The following ZC3H12B variants were observed in gnomAD, a reference collection of about 807,000 sequenced individuals.
ZC3H12B encodes probable ribonuclease ZC3H12B.
Under a neutral mutation model 43.9 loss-of-function variants are expected in ZC3H12B, and 7 were observed. The observed-to-expected ratio is 0.16, with a 90% CI of 0.09 to 0.30. The LOEUF is 0.30. ZC3H12B is among the 10% of genes least tolerant of loss of function. The probability of loss-of-function intolerance (pLI) is 1.00; values close to 1 mark genes in which losing one functional copy is unlikely to be tolerated. For missense variants in ZC3H12B, 475 were observed against 670.2 expected, an observed-to-expected ratio of 0.71 and a Z score of 3.22; for synonymous variants, 222 against 241.7, an observed-to-expected ratio of 0.92 and a Z score of 0.76.
the ZC3H12B span, among the ~76,000 whole-genome samples, chrX:65,056,929 C>T: frequency 2.1e-3 from 230 of 110,826 alleles, 1 homozygote; most frequent in African/African-American, 7.1e-3. Context: ...TTTTGTTTTC[C>T]ATTTGCTTAG....
At chrX:65,100,628 A>C in the ZC3H12B span, among the ~76,000 whole-genome samples, 2 of 107,325 alleles carry the variant, frequency 1.9e-5, no homozygotes, top group Admixed American at 1.0e-4. Flanking sequence ...GATAAAACAG[A>C]CTAAACCACA....
chrX:65,189,038 T>C, the ZC3H12B span, among the ~76,000 whole-genome samples: 1 of 98,158 alleles, frequency 1.0e-5, no homozygotes, highest in Admixed American at 1.2e-4. Context: ...TGAGTGAGAA[T>C]ATGCGGTGTT....
At chrX:65,114,224 C>A in the ZC3H12B span, among the ~76,000 whole-genome samples, 1 of 106,658 alleles carries the variant, frequency 9.4e-6, no homozygotes, top group Non-Finnish European at 1.9e-5. Flanking sequence ...TTTTCTTGTA[C>A]TGTTTTTTTG....
intron 2 of ZC3H12B, among the ~76,000 whole-genome samples, chrX:65,372,657 G>A (rs2066264302): frequency 9.0e-6 from 1 of 110,985 alleles, no homozygotes; most frequent in East Asian, 2.8e-4. Context: ...AGGAAGGAAA[G>A]GAAGGAAGGA....
At chrX:65,409,657 C>A (rs1374460760) in intron 3 of ZC3H12B, among the ~76,000 whole-genome samples, 4 of 108,037 alleles carry the variant, frequency 3.7e-5, no homozygotes, top group Non-Finnish European at 5.8e-5. Context: ...CAAAAAAAAT[C>A]AATTGCATTT....
chrX:65,187,179 C>T, the ZC3H12B span: 2 of 111,886 alleles, frequency 1.8e-5, no homozygotes, highest in Admixed American at 1.9e-4. Flanking sequence ...CTTCTATGCA[C>T]TATTGTATCA....
chrX:65,157,992 A>T, the ZC3H12B span, among the ~76,000 whole-genome samples: 1 of 92,669 alleles, frequency 1.1e-5, no homozygotes, highest in African/African-American at 3.9e-5. Flanking sequence ...CTCATTGTTC[A>T]ATTCCCACCT....
the ZC3H12B span, among the ~76,000 whole-genome samples, chrX:65,225,720 T>C: frequency 9.6e-3 from 1,067 of 111,598 alleles, 20 homozygotes; most frequent in African/African-American, 0.033. Flanking sequence ...GAGAACTACA[T>C]GAAGAATGCA....
chrX:65,169,465 A>G, the ZC3H12B span, among the ~76,000 whole-genome samples: 7 of 111,878 alleles, frequency 6.3e-5, no homozygotes, highest in Admixed American at 5.7e-4. Context: ...TATATGGTCA[A>G]TTTTGGAATA....
the ZC3H12B span, among the ~76,000 whole-genome samples, chrX:65,335,792 A>C: frequency 8.9e-6 from 1 of 111,833 alleles, no homozygotes. Context: ...GATAGTTTTT[A>C]GGGCTAATTA....
chrX:65,427,294 T>C (rs1440447392), intron 3 of ZC3H12B, among the ~76,000 whole-genome samples: 2 of 111,565 alleles, frequency 1.8e-5, no homozygotes, highest in East Asian at 2.8e-4. Flanking sequence ...GTTTTTTTTC[T>C]GTTTTCCATT....
upstream of ZC3H12B, among the ~76,000 whole-genome samples, chrX:65,488,408 C>T (rs970503596): frequency 2.5e-5 from 2 of 79,774 alleles, no homozygotes; most frequent in African/African-American, 5.7e-5. Context: ...GGTAGGGGGG[C>T]GACAGGAGCG....
intron 3 of ZC3H12B, among the ~76,000 whole-genome samples, chrX:65,473,025 T>TATATATATA (rs2067947786): frequency 1.0e-5 from 1 of 98,483 alleles, no homozygotes; most frequent in African/African-American, 3.7e-5. Flanking sequence ...TATCTGTTTG[T>TATATATATA]TTTTTGAGAC....
the ZC3H12B span, among the ~76,000 whole-genome samples, chrX:65,175,659 T>A: frequency 9.0e-6 from 1 of 111,666 alleles, no homozygotes; most frequent in Non-Finnish European, 1.9e-5. Context: ...GGGTGATTTT[T>A]CCATTTCGAA....
chrX:65,427,977 G>A (rs73213338), intron 3 of ZC3H12B, among the ~76,000 whole-genome samples: 13,028 of 111,111 alleles, frequency 0.12, 815 homozygotes, highest in Non-Finnish European at 0.18. Flanking sequence ...ATTTCCCTCA[G>A]CATTCTTTGT....
chrX:65,135,731 T>G, the ZC3H12B span, among the ~76,000 whole-genome samples: 2 of 106,572 alleles, frequency 1.9e-5, no homozygotes, highest in African/African-American at 6.9e-5. Flanking sequence ...ATGTCTCTGA[T>G]GCTCTATTTG....
chrX:65,313,566 C>A, the ZC3H12B span, among the ~76,000 whole-genome samples: 4 of 112,177 alleles, frequency 3.6e-5, no homozygotes, highest in African/African-American at 6.5e-5. Context: ...TTCGCACTTA[C>A]AAAGGGCAGG....
At chrX:65,296,245 G>A in the ZC3H12B span, among the ~76,000 whole-genome samples, 12 of 111,603 alleles carry the variant, frequency 1.1e-4, no homozygotes. Flanking sequence ...TTTAAGTGAA[G>A]TAACTCAGGA....
chrX:65,072,364 A>G, the ZC3H12B span, among the ~76,000 whole-genome samples: 1 of 112,279 alleles, frequency 8.9e-6, no homozygotes, highest in Non-Finnish European at 1.9e-5. Flanking sequence ...ATTACAGTCC[A>G]CATTTCTAAT....
Sources: allele counts gnomAD v4.1 joint callset (sites outside exome capture counted in the v4.1 genomes callset), GRCh38; gene constraint gnomAD v4.1.1; transcripts MANE v1.5; gene names NCBI Gene and HGNC (gene_info 2026-07-23, HGNC 2026-07-21).